Variants in BCLAF1 observed in about 807,000 individuals in gnomAD.
BCLAF1 encodes the protein BCL2 associated transcription factor 1, also known as bcl-2-associated transcription factor 1.
A neutral mutation model predicts 99.5 loss-of-function variants in BCLAF1; 10 were observed. The observed-to-expected ratio is 0.10, with a 90% CI of 0.06 to 0.17. BCLAF1 has a LOEUF of 0.17. BCLAF1 is among the 10% of genes least tolerant of loss of function. BCLAF1 has a pLI of 1.00. For missense variants in BCLAF1, 636 were observed against 1,105.8 expected (o/e 0.58, Z 6.02); for synonymous variants, 255 against 370.9 (o/e 0.69, Z 3.59).
At chr6:136,287,179 C>T (rs1184410725) in intron 1 of BCLAF1, among the ~76,000 whole-genome samples, 1 of 148,398 alleles carries the variant, frequency 6.7e-6, no homozygotes, top group Non-Finnish European at 1.5e-5. Flanking sequence ...GGTGGCGGGC[C>T]GGCGCCTGTA....
chr6:136,278,519 G>A lies in BCLAF1; in HGVS notation c.362C>T (p.Ser121Phe). The change falls in exon 4 of 13, where the codon TCT becomes TTT. Residue 121 changes from serine (S) to phenylalanine (F), a missense_variant. Coordinates refer to ENST00000531224, the MANE Select transcript of BCLAF1 (RefSeq NM_014739.3). The part of the protein sequence containing the change: ...RSRSPKRRSV[S>F]SQRSRSRSRR... ...AGATCTGCTTCTGGATCTTTGAGAA[G>A]AAACGGATCTTCTTTTTGGACTCCT... 1 of 1,595,728 alleles carries A rather than the reference G, an allele frequency of 6.3e-7. No homozygotes were observed. Among genetic ancestry groups the A allele is most frequent in the African/African-American group, 1.4e-5 (1 of 73,894 alleles).
intron 6 of BCLAF1, 151 bp from the exon 7 acceptor site, chr6:136,273,338 T>G: frequency 1.6e-6 from 1 of 628,840 alleles, no homozygotes; most frequent in Non-Finnish European, 2.7e-6. Context: ...TCCTACCCTT[T>G]CAATTTCTTG....
At position 136,260,985 on chromosome 6, in the gene BCLAF1, T is replaced by C; in HGVS notation, c.*125A>G. 1 of 1,059,496 alleles carries C rather than the reference T, an allele frequency of 9.4e-7. No homozygotes were observed. Among genetic ancestry groups the C allele is most frequent in the South Asian group, 2.0e-5 (1 of 50,302 alleles). 65.6% of individuals were successfully genotyped at this position (1,059,496 alleles called of 1,614,324 possible). A position where few individuals can be genotyped will look rare whatever the true frequency, so the allele number is the denominator to read the frequency against. On this transcript the variant is annotated 3_prime_UTR_variant, in exon 13 of 13. Transcript: ENST00000531224. ...ATATTTGAAGACTTAAAACAAAATTTCTATAGACTACTTGCAAACAGTAAA... is the reference window on the plus strand; with the variant it reads ...ATATTTGAAGACTTAAAACAAAATTCCTATAGACTACTTGCAAACAGTAAA...
chr6:136,284,782 G>A (rs886906247), intron 1 of BCLAF1, among the ~76,000 whole-genome samples: 4 of 152,030 alleles, frequency 2.6e-5, no homozygotes, highest in African/African-American at 9.7e-5. Flanking sequence ...TTCAGAGAGG[G>A]GAAGACAGAA....
At position 136,278,199 on chromosome 6, in the gene BCLAF1, T is replaced by C; in HGVS notation, c.682A>G (p.Ser228Gly). 6.2e-7 allele frequency: 1 copy of C among 1,614,068 alleles called. No homozygotes were observed. Among genetic ancestry groups the C allele is most frequent in the Non-Finnish European group, 8.5e-7 (1 of 1,179,986 alleles). The part of the protein sequence containing the change: ...AYDNSPRSPH[S>G]PSPIATPPSQ... ...GGTGGTGTAGCAATAGGTGAAGGAC[T>C]ATGGGGTGATCTAGGACTATTATCA... The change falls in exon 4 of 13, where the codon AGT becomes GGT. Residue 228 changes from serine to glycine, a missense_variant. This residue lies in a region of BCLAF1 where 65 missense variants were observed against 90.9 expected (regional missense o/e 0.71). Coordinates refer to ENST00000531224, the MANE Select transcript of BCLAF1 (RefSeq NM_014739.3).
At chr6:136,267,606 T>C (rs964277446) in intron 10 of BCLAF1, among the ~76,000 whole-genome samples, 4 of 151,796 alleles carry the variant, frequency 2.6e-5, no homozygotes, top group Non-Finnish European at 5.9e-5. Flanking sequence ...TCGCTCAAGG[T>C]AGGAGTGTGA....
intron 1 of BCLAF1, among the ~76,000 whole-genome samples, chr6:136,288,329 G>A (rs561060892): frequency 6.6e-6 from 1 of 152,308 alleles, no homozygotes; most frequent in Admixed American, 6.5e-5. Flanking sequence ...ACAGCTCACA[G>A]CAGCCTCAAA....
At chr6:136,275,805 G>C (rs774908449) in intron 5 of BCLAF1, 38 bp downstream of exon 5, 1 of 1,588,380 alleles carries the variant, frequency 6.3e-7, no homozygotes, top group South Asian at 1.2e-5. Context: ...AATACTGACT[G>C]CCCACAGATT....
At chr6:136,284,344 C>A (rs917611466) in intron 1 of BCLAF1, among the ~76,000 whole-genome samples, 4 of 151,760 alleles carry the variant, frequency 2.6e-5, no homozygotes, top group African/African-American at 9.7e-5. Flanking sequence ...TCAAATAATA[C>A]ACAAAATGTA....
At position 136,263,021 on chromosome 6, in the gene BCLAF1, T is replaced by C. The variant is rs114715996; in HGVS notation, c.2545-1544A>G. 6.6e-3 allele frequency among the ~76,000 whole-genome samples: 1,006 copies of C among 152,240 alleles called. 13 individuals carry two copies. Among genetic ancestry groups the C allele is most frequent in the African/African-American group, 0.023 (941 of 41,556 alleles). On this transcript the variant is annotated intron_variant, in intron 11 of 12. Coordinates refer to ENST00000531224, the MANE Select transcript of BCLAF1 (RefSeq NM_014739.3). ...GTCTGACAAGCAAGCACTCAATAAA[T>C]GGTGGCAAAAATGATGTTTCTATAG...
In BCLAF1 at chr6:136,283,178, CAAAAAAAA is replaced by C. The variant is rs1173234336; in HGVS notation, c.-114-499_-114-492del. Among the ~76,000 whole-genome samples, 218 of 52,052 alleles carry C rather than the reference CAAAAAAAA, an allele frequency of 4.2e-3. 1 individual carries two copies. The highest frequency in any genetic ancestry group is 0.013 in the Admixed American group (48 of 3,730). The allele number at this position is 52,052 out of a possible 152,430, so 34.1% of individuals were successfully genotyped here. A position where few individuals can be genotyped will look rare whatever the true frequency, so the allele number is the denominator to read the frequency against. On this transcript the variant is annotated intron_variant, in intron 1 of 12. Transcript: ENST00000531224. ...TTGGCAACACAGCACGACCCCATCT[CAAAAAAAA>C]AAAAAAAAAAAAAAAAAAGGTAATC...
chr6:136,287,206 AG>A (rs1785259992), intron 1 of BCLAF1, among the ~76,000 whole-genome samples: 2 of 151,572 alleles, frequency 1.3e-5, no homozygotes, highest in African/African-American at 4.9e-5. Flanking sequence ...GCTACTTGGG[AG>A]GCTGAGATAC....
At chr6:136,276,562 C>T (rs893662991) in intron 4 of BCLAF1, 54 bp from the exon 5 acceptor site, 16 of 1,509,558 alleles carry the variant, frequency 1.1e-5, no homozygotes, top group East Asian at 2.3e-5. Context: ...CACTGTAGAT[C>T]GCTTCCATAT....
intron 1 of BCLAF1, among the ~76,000 whole-genome samples, chr6:136,289,502 G>A (rs888925713): frequency 6.6e-6 from 1 of 152,244 alleles, no homozygotes; most frequent in African/African-American, 2.4e-5. Flanking sequence ...CCCGCCGTTA[G>A]CACTGCTCAG....
intron 8 of BCLAF1, 86 bp from the exon 9 acceptor site, chr6:136,269,698 C>T (rs553537008): frequency 1.9e-6 from 2 of 1,050,132 alleles, no homozygotes; most frequent in Non-Finnish European, 2.6e-6. Flanking sequence ...AATTTTATGC[C>T]AGCTTCTAAA....
intron 1 of BCLAF1, among the ~76,000 whole-genome samples, chr6:136,284,523 GTAAAC>G (rs1784857490): frequency 6.6e-6 from 1 of 152,152 alleles, no homozygotes; most frequent in Admixed American, 6.5e-5. Flanking sequence ...ACAAATCATA[GTAAAC>G]TAAACATCTA....
At chr6:136,281,484 A>G (rs745341055) in intron 2 of BCLAF1, among the ~76,000 whole-genome samples, 15 of 152,152 alleles carry the variant, frequency 9.9e-5, no homozygotes, top group Admixed American at 3.3e-4. Flanking sequence ...TGTCCCTCCC[A>G]AAGTTTTTAA....
chr6:136,288,426 G>A (rs139275316), intron 1 of BCLAF1, among the ~76,000 whole-genome samples: 2,629 of 152,320 alleles, frequency 0.017, 36 homozygotes, highest in Non-Finnish European at 0.027. Flanking sequence ...AAGCCTTGTA[G>A]CAGTTTTTCC....
intron 1 of BCLAF1, among the ~76,000 whole-genome samples, chr6:136,287,800 C>T (rs912458848): frequency 2.0e-5 from 3 of 152,160 alleles, no homozygotes; most frequent in African/African-American, 7.2e-5. Flanking sequence ...GTGGGCCAGG[C>T]GAGTGGATCA....
Sources: gnomAD v4.1 joint callset for allele counts (sites outside exome capture counted in the v4.1 genomes callset) on GRCh38, gnomAD v4.1.1 for gene constraint, gnomAD v4.1.1 regional missense constraint, MANE v1.5 for transcripts, NCBI Gene and HGNC (gene_info 2026-07-23, HGNC 2026-07-21) for gene names.